Variants in FANCL observed in about 807,000 individuals in gnomAD.
FANCL encodes E3 ubiquitin-protein ligase FANCL.
A neutral mutation model predicts 59.4 loss-of-function variants in FANCL; 69 were observed. The observed-to-expected ratio is 1.16, with a 90% CI of 0.96 to 1.42. FANCL has a LOEUF of 1.42. Ranked by LOEUF, FANCL falls within the 40% of genes most tolerant of loss-of-function variation. The pLI, the probability that FANCL is intolerant of heterozygous loss-of-function variation, is 0.00. For synonymous variants in FANCL, 180 were observed against 147.1 expected (o/e 1.22, Z -1.62); for missense variants, 519 against 447.2 (o/e 1.16, Z -1.45).
chr2:58,164,189 A>C (rs1685628337), intron 8 of FANCL, among the ~76,000 whole-genome samples: 1 of 151,992 alleles, frequency 6.6e-6, no homozygotes, highest in Non-Finnish European at 1.5e-5. Context: ...AAGTTTCAGA[A>C]ATTTTACTTC....
intron 11 of FANCL, 149 bp downstream of exon 11, chr2:58,162,717 G>T: frequency 1.4e-6 from 1 of 709,766 alleles, no homozygotes; most frequent in South Asian, 1.8e-5. Context: ...ACCAATCAAA[G>T]GTAAACAAGT....
intron 7 of FANCL, among the ~76,000 whole-genome samples, chr2:58,169,660 A>C (rs996564950): frequency 1.3e-5 from 2 of 152,096 alleles, no homozygotes; most frequent in African/African-American, 2.4e-5. Context: ...CCTTGAAAAA[A>C]AGTTAGAGGA....
chr2:58,187,788 G>A lies in FANCL; in HGVS notation c.540+10806C>T, dbSNP rs140991591. On this transcript the variant is annotated intron_variant, in intron 7 of 13. Transcript: ENST00000233741. ...AGAACGTGTGTATACATAAAACAAC[G>A]TCCATTTTGAGTTTTATTATTGAAC... Among the ~76,000 whole-genome samples the A allele has an allele frequency of 1.1e-3, 170 of 152,148 alleles. 1 individual carries two copies. In the East Asian group the frequency reaches 0.012, roughly 11 times the overall value.
At chr2:58,235,777 C>T (rs1693957982) in intron 1 of FANCL, among the ~76,000 whole-genome samples, 1 of 151,838 alleles carries the variant, frequency 6.6e-6, no homozygotes, top group African/African-American at 2.4e-5. Context: ...TAAAGGAAAA[C>T]ATGAGCGTAC....
chr2:58,204,820 T>G (rs1395229872), intron 5 of FANCL, among the ~76,000 whole-genome samples: 12 of 152,114 alleles, frequency 7.9e-5, no homozygotes, highest in Non-Finnish European at 1.5e-5. Context: ...AACCTATGCA[T>G]GTATTCAAGA....
At chr2:58,217,248 A>C (rs1691926733) in intron 5 of FANCL, among the ~76,000 whole-genome samples, 1 of 121,750 alleles carries the variant, frequency 8.2e-6, no homozygotes, top group Non-Finnish European at 1.7e-5. Context: ...ACACACATAT[A>C]TATGTTTGGC....
chr2:58,199,184 G>C (rs1689749806), intron 6 of FANCL, among the ~76,000 whole-genome samples: 2 of 152,148 alleles, frequency 1.3e-5, no homozygotes. Flanking sequence ...TGGTGATTTG[G>C]AAGTGCCAAA....
chr2:58,159,555 C>T lies in FANCL; in HGVS notation c.*210G>A. 1 of 1,613,818 alleles carries T rather than the reference C, an allele frequency of 6.2e-7. No individual in the cohort carries two copies. The highest frequency in any genetic ancestry group is 2.2e-5 in the East Asian group (1 of 44,842). On this transcript the variant is annotated 3_prime_UTR_variant, in exon 14 of 14. Coordinates refer to ENST00000233741, the MANE Select transcript of FANCL (RefSeq NM_018062.4). ...CCACAGTCAGCACGGGGATCACAGA[C>T]TTAGAAAGTTCAACTGGACTTTGGC...
chr2:58,236,587 C>A (rs1050379531), intron 1 of FANCL, among the ~76,000 whole-genome samples: 6 of 151,550 alleles, frequency 4.0e-5, no homozygotes, highest in Non-Finnish European at 7.4e-5. Flanking sequence ...ATATGTAAGA[C>A]AAACAGAAAA....
chr2:58,198,454 T>C (rs1361685743), intron 7 of FANCL, 140 bp downstream of exon 7: 5 of 663,528 alleles, frequency 7.5e-6, no homozygotes, highest in Non-Finnish European at 1.3e-5. Context: ...CAAAGTCCCA[T>C]TTATATAAGA....
At chr2:58,213,498 C>G (rs370106620) in intron 5 of FANCL, 1 of 152,224 alleles carries the variant, frequency 6.6e-6, no homozygotes, top group African/African-American at 2.4e-5. Flanking sequence ...ATGCACACCA[C>G]TTCTCTTCTG....
rs1400252376 is a variant in FANCL at position 58,159,330 on chromosome 2, A to ATATG, written c.*431_*434dup. 1 of 1,562,718 alleles carries ATATG rather than the reference A, an allele frequency of 6.4e-7. No homozygotes were observed. On this transcript the variant is annotated 3_prime_UTR_variant, in exon 14 of 14. Coordinates refer to ENST00000233741, the MANE Select transcript of FANCL (RefSeq NM_018062.4). ...ACTCACGTCTAACAAACTAAACTAT[A>ATATG]TATGTATTTTTTCCATAGGAAAGCA... is the stretch of plus-strand genomic sequence containing the variant.
intron 12 of FANCL, 84 bp from the exon 13 acceptor site, chr2:58,160,263 G>T: frequency 7.3e-7 from 1 of 1,371,056 alleles, no homozygotes; most frequent in Non-Finnish European, 1.0e-6. Context: ...TTGTTTTTAA[G>T]TGCATTATGT....
chr2:58,212,860 A>C (rs986742748), intron 5 of FANCL, among the ~76,000 whole-genome samples: 1 of 152,204 alleles, frequency 6.6e-6, no homozygotes, highest in Non-Finnish European at 1.5e-5. Context: ...AATTATAACA[A>C]TAGCAATCAA....
chr2:58,229,288 T>C (rs1693343634), intron 3 of FANCL, among the ~76,000 whole-genome samples: 1 of 152,218 alleles, frequency 6.6e-6, no homozygotes, highest in African/African-American at 2.4e-5. Flanking sequence ...GATTTTTTTT[T>C]CTAATCTTTA....
intron 7 of FANCL, among the ~76,000 whole-genome samples, chr2:58,169,775 G>T (rs556841009): frequency 6.6e-6 from 1 of 151,808 alleles, no homozygotes; most frequent in African/African-American, 2.4e-5. Context: ...ATCAATTGCC[G>T]AATCAATCAA....
intron 7 of FANCL, among the ~76,000 whole-genome samples, chr2:58,175,304 T>TA (rs1226787538): frequency 6.7e-6 from 1 of 148,888 alleles, no homozygotes; most frequent in Non-Finnish European, 1.5e-5. Context: ...ATCATTCTGA[T>TA]ACCAAAGCCG....
chr2:58,182,162 G>A (rs186963865), intron 7 of FANCL, among the ~76,000 whole-genome samples: 211 of 151,914 alleles, frequency 1.4e-3, no homozygotes, highest in African/African-American at 4.2e-3. Flanking sequence ...AGAAACCACA[G>A]AAATATTATC....
chr2:58,198,871 T>C (rs1224119623), intron 6 of FANCL, among the ~76,000 whole-genome samples: 2 of 151,510 alleles, frequency 1.3e-5, no homozygotes, highest in Admixed American at 1.3e-4. Context: ...TACTAAAAAA[T>C]ACAAAAAATT....
Sources: allele counts gnomAD v4.1 joint callset (sites outside exome capture counted in the v4.1 genomes callset), GRCh38; gene constraint gnomAD v4.1.1; transcripts MANE v1.5; gene names NCBI Gene and HGNC (gene_info 2026-07-23, HGNC 2026-07-21).